Variants in KCNQ5 observed in about 807,000 individuals in gnomAD.
KCNQ5 encodes potassium voltage-gated channel subfamily KQT member 5.
Under a neutral mutation model 98.2 loss-of-function variants are expected in KCNQ5, and 30 were observed. The ratio of observed to expected loss-of-function variants is 0.31; its 90% confidence interval spans 0.23 to 0.41. The LOEUF is 0.41. KCNQ5 is among the 10% of genes least tolerant of loss of function. KCNQ5 has a pLI of 1.00. For missense variants in KCNQ5, 835 were observed against 1,182.5 expected (o/e 0.71, Z 4.31); for synonymous variants, 458 against 449.4 (o/e 1.02, Z -0.24).
chr6:72,661,496 T>C (rs1227700863), intron 1 of KCNQ5, among the ~76,000 whole-genome samples: 2 of 152,164 alleles, frequency 1.3e-5, no homozygotes, highest in Admixed American at 1.3e-4. Flanking sequence ...TGTAACATAA[T>C]TGAGAATACA....
At chr6:72,947,874 A>G (rs1335101562) in intron 1 of KCNQ5, among the ~76,000 whole-genome samples, 1 of 152,166 alleles carries the variant, frequency 6.6e-6, no homozygotes, top group African/African-American at 2.4e-5. Context: ...TTTTTGTTTT[A>G]CTAGAAACAA....
At chr6:72,751,397 ACT>A (rs1491415786) in intron 1 of KCNQ5, among the ~76,000 whole-genome samples, 1 of 152,084 alleles carries the variant, frequency 6.6e-6, no homozygotes, top group Non-Finnish European at 1.5e-5. Context: ...GTACTACAGC[ACT>A]GAGATGAGTC....
At chr6:72,813,244 G>A (rs766521733) in intron 1 of KCNQ5, among the ~76,000 whole-genome samples, 1 of 151,958 alleles carries the variant, frequency 6.6e-6, no homozygotes, top group Admixed American at 6.6e-5. Flanking sequence ...TTTTTTTCAG[G>A]GGCTTATTTC....
At chr6:73,068,051 T>G (rs1773142058) in intron 3 of KCNQ5, among the ~76,000 whole-genome samples, 1 of 152,110 alleles carries the variant, frequency 6.6e-6, no homozygotes, top group Non-Finnish European at 1.5e-5. Context: ...ATCCCAGCAC[T>G]TTGGGAGGCC....
chr6:72,773,406 AAC>A (rs1279720303), intron 1 of KCNQ5, among the ~76,000 whole-genome samples: 5 of 152,144 alleles, frequency 3.3e-5, no homozygotes, highest in Non-Finnish European at 7.3e-5. Context: ...GAGCGATGAG[AAC>A]ACATGGACAC....
chr6:73,086,881 C>G (rs942386292), intron 5 of KCNQ5, among the ~76,000 whole-genome samples: 7 of 152,056 alleles, frequency 4.6e-5, no homozygotes, highest in Non-Finnish European at 8.8e-5. Context: ...TGAAAAGGAG[C>G]CCTGGGAAGA....
At chr6:72,714,649 G>C (rs979336975) in intron 1 of KCNQ5, among the ~76,000 whole-genome samples, 3 of 152,162 alleles carry the variant, frequency 2.0e-5, no homozygotes, top group Non-Finnish European at 4.4e-5. Flanking sequence ...TTGTTTGATA[G>C]CTAAAGTGCT....
At chr6:73,014,735 T>C (rs1461041077) in intron 2 of KCNQ5, among the ~76,000 whole-genome samples, 1 of 152,122 alleles carries the variant, frequency 6.6e-6, no homozygotes, top group East Asian at 1.9e-4. Flanking sequence ...TTTTGTAAAG[T>C]GAAGCATCCC....
chr6:72,958,522 TTAAG>T (rs1767191705), intron 1 of KCNQ5, among the ~76,000 whole-genome samples: 1 of 152,208 alleles, frequency 6.6e-6, no homozygotes, highest in Non-Finnish European at 1.5e-5. Context: ...GGCTCTCACT[TTAAG>T]TGTCTATCTG....
In KCNQ5 at chr6:72,726,493, G is replaced by A. The variant is rs535288988; in HGVS notation, c.398+103906G>A. 2.6e-5 allele frequency among the ~76,000 whole-genome samples: 4 copies of A among 152,184 alleles called. No individual in the cohort carries two copies. The South Asian group carries it at 6.2e-4, about 24-fold the overall frequency. ...CTCCCAAAGTGCTAGGATTACAGGC[G>A]TAAGCCACCACGCCCAGCCAAAAAT... On this transcript the variant is annotated intron_variant, in intron 1 of 13. Transcript: ENST00000370398.
chr6:72,830,339 C>T (rs1376357042), intron 1 of KCNQ5, among the ~76,000 whole-genome samples: 1 of 152,174 alleles, frequency 6.6e-6, no homozygotes, highest in Non-Finnish European at 1.5e-5. Flanking sequence ...AACTATACTA[C>T]AAGGCTACAG....
intron 1 of KCNQ5, among the ~76,000 whole-genome samples, chr6:72,941,914 A>G (rs1329880557): frequency 6.6e-6 from 1 of 152,116 alleles, no homozygotes; most frequent in Non-Finnish European, 1.5e-5. Context: ...GTGTAAATAC[A>G]ACTTTAGATA....
chr6:72,692,174 C>T lies in KCNQ5; in HGVS notation c.398+69587C>T, dbSNP rs145418702. ...CATTACTCCTTTATGAGCATCTGCTCGATGCCAGGTGTTTTGCCTGTCTAC... is the reference window on the plus strand; with the variant it reads ...CATTACTCCTTTATGAGCATCTGCTTGATGCCAGGTGTTTTGCCTGTCTAC... On this transcript the variant is annotated intron_variant, in intron 1 of 13. Transcript: ENST00000370398. Among the ~76,000 whole-genome samples, 136 of 152,294 alleles carry T rather than the reference C, an allele frequency of 8.9e-4. 1 individual carries two copies. Among genetic ancestry groups the T allele is most frequent in the African/African-American group, 3.0e-3 (126 of 41,574 alleles).
intron 5 of KCNQ5, among the ~76,000 whole-genome samples, 176 bp downstream of exon 5, chr6:73,078,063 A>G (rs1217674050): frequency 1.3e-5 from 2 of 151,944 alleles, no homozygotes; most frequent in South Asian, 2.1e-4. Flanking sequence ...TTTTAGGCCA[A>G]CTAAGTTGTC....
intron 1 of KCNQ5, chr6:72,987,175 T>C (rs1450187818): frequency 2.6e-5 from 17 of 652,776 alleles, no homozygotes; most frequent in Non-Finnish European, 4.6e-5. Flanking sequence ...TCCAAGAAGG[T>C]AGAGCAGCCA....
chr6:72,712,157 A>G (rs981697722), intron 1 of KCNQ5, among the ~76,000 whole-genome samples: 1 of 152,234 alleles, frequency 6.6e-6, no homozygotes, highest in Non-Finnish European at 1.5e-5. Flanking sequence ...ATGAATGAAG[A>G]ATGGATAGAT....
chr6:72,822,846 A>G (rs3005768), intron 1 of KCNQ5, among the ~76,000 whole-genome samples: 147,656 of 152,250 alleles, frequency 0.97, 71,767 homozygotes, highest in East Asian at 1. Context: ...TCCTCCTGGA[A>G]GCTATAGGAG....
At chr6:73,182,046 A>T (rs1253779279) in intron 11 of KCNQ5, among the ~76,000 whole-genome samples, 2 of 151,896 alleles carry the variant, frequency 1.3e-5, no homozygotes, top group African/African-American at 4.9e-5. Context: ...AGCATGTAAG[A>T]GGCCACCAAG....
chr6:72,827,197 A>T (rs62412469), intron 1 of KCNQ5, among the ~76,000 whole-genome samples: 79,433 of 151,860 alleles, frequency 0.52, 21,691 homozygotes, highest in African/African-American at 0.68. Flanking sequence ...GGGGTGCAGA[A>T]GTCTTTTTGA....
Sources: gnomAD v4.1 joint callset for allele counts (sites outside exome capture counted in the v4.1 genomes callset) on GRCh38, gnomAD v4.1.1 for gene constraint, MANE v1.5 for transcripts, NCBI Gene and HGNC (gene_info 2026-07-23, HGNC 2026-07-21) for gene names.